Variants in CDKL3 observed in about 807,000 individuals in gnomAD.
The protein encoded by CDKL3 is cyclin-dependent kinase-like 3.
In CDKL3, 65 loss-of-function variants were observed where a neutral mutation model predicts 69.3. The ratio of observed to expected loss-of-function variants is 0.94; its 90% confidence interval spans 0.77 to 1.15. The LOEUF (loss-of-function observed/expected upper bound fraction) is 1.15, where lower values mean the gene tolerates loss of function less well. CDKL3 is among the 50% of genes most tolerant of loss of function. CDKL3 has a pLI of 0.00. For missense variants in CDKL3, 652 were observed against 689.2 expected (o/e 0.95, Z 0.61); for synonymous variants, 202 against 221.6 (o/e 0.91, Z 0.79).
rs181329755 is a variant in CDKL3, at chr5:134,348,715, C to T, written c.539+1534G>A. ...ATCAGAAAAGGAATTTAAGCTACAT[C>T]ATCAAATGAGGGTAAAACTGAGACA... On this transcript the variant is annotated intron_variant, in intron 4 of 12. Coordinates refer to ENST00000265334, the MANE Select transcript of CDKL3 (RefSeq NM_001113575.2). Among the ~76,000 whole-genome samples, 29 of 152,214 alleles carry T rather than the reference C, an allele frequency of 1.9e-4. No homozygotes were observed. In the East Asian group the frequency reaches 4.6e-3, roughly 24 times the overall value.
intron 12 of CDKL3, chr5:134,302,199 T>A (rs753633306): frequency 9.0e-5 from 41 of 456,608 alleles, no homozygotes; most frequent in Non-Finnish European, 1.5e-4. Context: ...ACAGCAGAGA[T>A]AAGGGAATAA....
upstream of CDKL3, chr5:134,371,556 C>T (rs769342998): frequency 7.5e-6 from 10 of 1,334,268 alleles, no homozygotes; most frequent in Middle Eastern, 2.2e-4. Flanking sequence ...CTGCGCGGGA[C>T]TTTTTTTTTT....
At chr5:134,301,768 T>TC (rs1766408232) in intron 12 of CDKL3, among the ~76,000 whole-genome samples, 1 of 151,980 alleles carries the variant, frequency 6.6e-6, no homozygotes, top group South Asian at 2.1e-4. Context: ...GTGCCTGTAG[T>TC]CCCAGCTACT....
chr5:134,356,435 T>C (rs1030376625), intron 3 of CDKL3, among the ~76,000 whole-genome samples: 2 of 152,218 alleles, frequency 1.3e-5, no homozygotes, highest in Non-Finnish European at 2.9e-5. Flanking sequence ...GGACCCCTCC[T>C]GTATGGCATT....
chr5:134,339,209 A>C (rs761174804), intron 4 of CDKL3, among the ~76,000 whole-genome samples: 5 of 152,176 alleles, frequency 3.3e-5, no homozygotes, highest in Non-Finnish European at 7.4e-5. Flanking sequence ...TTAAACGTTA[A>C]CAGATTAACC....
intron 4 of CDKL3, among the ~76,000 whole-genome samples, chr5:134,324,723 G>A (rs1040247940): frequency 1.3e-5 from 2 of 152,168 alleles, no homozygotes. Flanking sequence ...ACGAAGCACA[G>A]AAGATTTTTA....
chr5:134,290,673 G>C (rs1009164754), intron 8 of CDKL3, among the ~76,000 whole-genome samples: 1 of 152,066 alleles, frequency 6.6e-6, no homozygotes, highest in Non-Finnish European at 1.5e-5. Flanking sequence ...GTTTTGGGCA[G>C]AGCAATGACA....
chr5:134,351,111 G>A (rs955119371), intron 3 of CDKL3, among the ~76,000 whole-genome samples: 7 of 152,024 alleles, frequency 4.6e-5, no homozygotes, highest in Admixed American at 6.6e-5. Context: ...CACCCATATC[G>A]TACTTGATTT....
At chr5:134,371,493 G>T, upstream of CDKL3, 3 of 1,458,234 alleles carry the variant, frequency 2.1e-6, no homozygotes, top group Non-Finnish European at 2.8e-6. Flanking sequence ...CGGCGGCGGC[G>T]GCGGCGGCGG....
At chr5:134,370,747 G>A (rs1483352403), upstream of CDKL3, among the ~76,000 whole-genome samples, 1 of 152,210 alleles carries the variant, frequency 6.6e-6, no homozygotes, top group Non-Finnish European at 1.5e-5. Flanking sequence ...ATTGTTGTGT[G>A]GGCCTCAGTA....
chr5:134,371,610 C>G, upstream of CDKL3: 1 of 1,613,094 alleles, frequency 6.2e-7, no homozygotes, highest in Non-Finnish European at 8.5e-7. Context: ...CGACCCCGGC[C>G]CGGAGGAGGC....
chr5:134,346,614 A>G (rs1751949243), intron 4 of CDKL3, among the ~76,000 whole-genome samples: 1 of 152,072 alleles, frequency 6.6e-6, no homozygotes, highest in Non-Finnish European at 1.5e-5. Flanking sequence ...TTCCTGCCTC[A>G]GTCTCTCGAG....
downstream of CDKL3, among the ~76,000 whole-genome samples, chr5:134,294,933 A>G (rs1265368068): frequency 6.6e-6 from 1 of 151,848 alleles, no homozygotes; most frequent in East Asian, 1.9e-4. Context: ...ACTATAAAAT[A>G]TTGAGGAGGA....
intron 3 of CDKL3, among the ~76,000 whole-genome samples, chr5:134,355,534 G>T (rs1388084495): frequency 6.6e-6 from 1 of 152,134 alleles, no homozygotes; most frequent in Admixed American, 6.5e-5. Context: ...GGTAAGAAAG[G>T]TATTTATTGA....
At chr5:134,294,360 A>G (rs1021308253), downstream of CDKL3, among the ~76,000 whole-genome samples, 1 of 152,152 alleles carries the variant, frequency 6.6e-6, no homozygotes, top group Non-Finnish European at 1.5e-5. Context: ...ACTTTCCTCA[A>G]TCTAATAAAG....
chr5:134,303,710 C>T (rs537633242), intron 11 of CDKL3, among the ~76,000 whole-genome samples: 2 of 149,000 alleles, frequency 1.3e-5, no homozygotes, highest in Non-Finnish European at 1.5e-5. Flanking sequence ...ATTAGCCAGG[C>T]GTGTTGGTGG....
intron 6 of CDKL3, among the ~76,000 whole-genome samples, chr5:134,314,621 A>T (rs1770517022): frequency 6.6e-6 from 1 of 152,220 alleles, no homozygotes; most frequent in Non-Finnish European, 1.5e-5. Context: ...CTACTCTGCA[A>T]AAAAGGAACA....
chr5:134,346,804 G>A (rs1026000607), intron 4 of CDKL3, among the ~76,000 whole-genome samples: 5 of 152,202 alleles, frequency 3.3e-5, no homozygotes, highest in Middle Eastern at 6.8e-3. Context: ...CCGGGAAAAG[G>A]TATTATCTTT....
chr5:134,326,646 A>ATT (rs896520130), intron 4 of CDKL3, among the ~76,000 whole-genome samples: 1 of 147,060 alleles, frequency 6.8e-6, no homozygotes, highest in Non-Finnish European at 1.5e-5. Flanking sequence ...AAACTAGTAA[A>ATT]TTTTTTTTTT....
Sources: allele counts gnomAD v4.1 joint callset (sites outside exome capture counted in the v4.1 genomes callset), GRCh38; gene constraint gnomAD v4.1.1; transcripts MANE v1.5; gene names NCBI Gene and HGNC (gene_info 2026-07-23, HGNC 2026-07-21).